ASTN2: variants seen among roughly 807,000 people sequenced by gnomAD.
ASTN2 encodes astrotactin 2, also known as astrotactin-2.
A neutral mutation model predicts 139.8 loss-of-function variants in ASTN2; 54 were observed. That is an observed-to-expected ratio of 0.39 (90% CI 0.31 to 0.48). ASTN2 has a LOEUF of 0.48. Among genes scored for constraint, ASTN2 ranks in the 20% least tolerant of loss-of-function variants. ASTN2 has a pLI of 0.95. For synonymous variants in ASTN2, 756 were observed against 719.5 expected, an observed-to-expected ratio of 1.05 and a Z score of -0.81; for missense variants, 1,565 against 1,725.1, an observed-to-expected ratio of 0.91 and a Z score of 1.64.
rs1860978067 is a variant in ASTN2, at chr9:116,698,210, G to T, written c.2806+27561C>A. 6 of 1,614,188 alleles carry T rather than the reference G, an allele frequency of 3.7e-6. No homozygotes were observed. Among genetic ancestry groups the T allele is most frequent in the Non-Finnish European group, 4.2e-6 (5 of 1,180,040 alleles). On this transcript the variant is annotated intron_variant, in intron 16 of 22. Transcript: ENST00000313400. This position sits in a 1 kb window ranked among gnomAD's most constrained non-coding sequence, Gnocchi z 4.4. ...ACTTTGGAGAGAAGTTAACTCGTCT[G>T]CGGGAACTTATGGGGGAGCTGCAGC...
chr9:116,946,917 C>T (rs928857575), intron 10 of ASTN2, among the ~76,000 whole-genome samples: 4 of 113,046 alleles, frequency 3.5e-5, no homozygotes, highest in African/African-American at 1.5e-4. Flanking sequence ...CCTGAGTGGC[C>T]ACAAGTACAC....
intron 10 of ASTN2, among the ~76,000 whole-genome samples, chr9:116,958,893 G>A: frequency 6.6e-6 from 1 of 152,176 alleles, no homozygotes; most frequent in East Asian, 1.9e-4. Context: ...TATGAAATGG[G>A]TTCAACCAAG....
chr9:116,727,013 AACACACACACACACACACAC>A (rs34050784), intron 15 of ASTN2, among the ~76,000 whole-genome samples: 2 of 144,422 alleles, frequency 1.4e-5, no homozygotes, highest in African/African-American at 5.2e-5. Context: ...CACTACACTC[AACACACACACACACACACAC>A]ACACACACAC....
rs924397685 is a variant in ASTN2 at position 117,414,297 on chromosome 9, C to CCCG, written c.442+197_442+199dup. On this transcript the variant is annotated intron_variant, in intron 1 of 22. Coordinates refer to ENST00000313400, the MANE Select transcript of ASTN2 (RefSeq NM_001365068.1). The surrounding 1 kb of genome is among the most constrained non-coding windows in gnomAD (Gnocchi z 4.2). ...GGGAGGGTTGGCACGCCCCCAGGCT[C>CCCG]CCGCCGCGCGCTCTCCAGGACCTCC... Among the ~76,000 whole-genome samples the CCCG allele has an allele frequency of 1.3e-5, 2 of 152,128 alleles. No individual in the cohort carries two copies. The highest frequency in any genetic ancestry group is 4.8e-5 in the African/African-American group (2 of 41,454).
intron 19 of ASTN2, among the ~76,000 whole-genome samples, chr9:116,505,228 T>C (rs962543353): frequency 1.3e-5 from 2 of 151,748 alleles, no homozygotes; most frequent in Non-Finnish European, 2.9e-5. Flanking sequence ...GTCTACTCAT[T>C]CCTTTAATCG....
chr9:116,567,164 T>G (rs1853276525), intron 19 of ASTN2, among the ~76,000 whole-genome samples: 2 of 152,220 alleles, frequency 1.3e-5, no homozygotes, highest in South Asian at 4.1e-4. Flanking sequence ...AGAGGAAAAG[T>G]GCCGATTCAT....
intron 3 of ASTN2, among the ~76,000 whole-genome samples, chr9:117,201,940 G>A (rs1054000462): frequency 2.0e-5 from 3 of 152,138 alleles, no homozygotes; most frequent in Admixed American, 2.0e-4. Flanking sequence ...ACAGTGGGGT[G>A]TTAAATTCTC....
intron 2 of ASTN2, among the ~76,000 whole-genome samples, chr9:117,262,523 TAGATCTGGCTGGCCTGAGTCTCAGTTC>T (rs1418198388): frequency 1.3e-5 from 2 of 152,122 alleles, no homozygotes; most frequent in Admixed American, 1.3e-4. Flanking sequence ...CCATGTAGTC[TAGATCTGGCTGGCCTGAGTCTCAGTTC>T]AGGAGTGGCC....
chr9:117,400,318 C>T (rs753169862), intron 1 of ASTN2, among the ~76,000 whole-genome samples: 51 of 152,340 alleles, frequency 3.3e-4, no homozygotes, highest in Non-Finnish European at 6.5e-4. Flanking sequence ...TGCCCTTTCT[C>T]AGCCATCAGT....
At chr9:116,804,526 A>G (rs1269625747) in intron 13 of ASTN2, among the ~76,000 whole-genome samples, 1 of 152,210 alleles carries the variant, frequency 6.6e-6, no homozygotes, top group Non-Finnish European at 1.5e-5. Context: ...ATAAGTTAAT[A>G]GACAAAAAAT....
chr9:117,395,922 C>T (rs542203465), intron 1 of ASTN2, among the ~76,000 whole-genome samples: 2 of 152,304 alleles, frequency 1.3e-5, no homozygotes, highest in South Asian at 4.1e-4. Context: ...ATAGAACATT[C>T]CTGGTCTTTG....
intron 1 of ASTN2, among the ~76,000 whole-genome samples, chr9:117,412,312 C>T (rs1223362076): frequency 6.6e-6 from 1 of 152,116 alleles, no homozygotes; most frequent in African/African-American, 2.4e-5. Flanking sequence ...GCCCCGTGCT[C>T]TCCAAGGGGC....
At chr9:116,845,865 T>G (rs1832414567) in intron 11 of ASTN2, among the ~76,000 whole-genome samples, 1 of 152,226 alleles carries the variant, frequency 6.6e-6, no homozygotes, top group African/African-American at 2.4e-5. Flanking sequence ...GCAATTGCAC[T>G]TCTGGATATA....
intron 10 of ASTN2, among the ~76,000 whole-genome samples, chr9:116,960,136 A>C (rs1835835080): frequency 6.6e-6 from 1 of 152,108 alleles, no homozygotes; most frequent in African/African-American, 2.4e-5. Flanking sequence ...AGGTGTTGTC[A>C]GACCTTGCCT....
At chr9:116,801,365 G>C (rs910869605) in intron 13 of ASTN2, among the ~76,000 whole-genome samples, 1 of 151,842 alleles carries the variant, frequency 6.6e-6, no homozygotes, top group Non-Finnish European at 1.5e-5. Flanking sequence ...GGTGGATCGC[G>C]AGGTCAGGAG....
intron 5 of ASTN2, among the ~76,000 whole-genome samples, chr9:117,062,189 C>T (rs1839313796): frequency 6.6e-6 from 1 of 152,146 alleles, no homozygotes; most frequent in African/African-American, 2.4e-5. Context: ...AGTGGGCCGG[C>T]CTGCCCTCAA....
At chr9:116,712,471 T>C (rs943705428) in intron 16 of ASTN2, among the ~76,000 whole-genome samples, 2 of 152,214 alleles carry the variant, frequency 1.3e-5, no homozygotes, top group Admixed American at 6.5e-5. Flanking sequence ...TGAAACATAG[T>C]AGGCACTATA....
At chr9:117,278,649 G>A (rs1834251914) in intron 2 of ASTN2, among the ~76,000 whole-genome samples, 1 of 152,274 alleles carries the variant, frequency 6.6e-6, no homozygotes, top group South Asian at 2.1e-4. Context: ...TCTCATCAGG[G>A]AGAGATTAGG....
At chr9:117,106,496 G>T (rs1251565623) in intron 4 of ASTN2, among the ~76,000 whole-genome samples, 1 of 151,986 alleles carries the variant, frequency 6.6e-6, no homozygotes, top group African/African-American at 2.4e-5. Context: ...ACTGCACCCA[G>T]CCCAAGCTAC....
Sources: gnomAD v4.1 joint callset for allele counts (sites outside exome capture counted in the v4.1 genomes callset) on GRCh38, gnomAD v4.1.1 for gene constraint, Gnocchi (gnomAD v3.1) non-coding constraint, MANE v1.5 for transcripts, NCBI Gene and HGNC (gene_info 2026-07-23, HGNC 2026-07-21) for gene names.